The following DSCAML1 variants were observed in gnomAD, a reference collection of about 807,000 sequenced individuals.
DSCAML1 encodes DS cell adhesion molecule like 1.
In DSCAML1, 38 loss-of-function variants were observed where a neutral mutation model predicts 200.5. The ratio of observed to expected loss-of-function variants is 0.19; its 90% CI spans 0.15 to 0.25. The LOEUF (loss-of-function observed/expected upper bound fraction) is 0.25. DSCAML1 is among the 10% of genes least tolerant of loss of function. DSCAML1 has a pLI of 1.00. For missense variants in DSCAML1, 2,223 were observed against 2,858.8 expected (o/e 0.78, Z 5.07); for synonymous variants, 1,215 against 1,165.0 (o/e 1.04, Z -0.87).
intron 19 of DSCAML1, among the ~76,000 whole-genome samples, chr11:117,453,246 T>G (rs2048313954): frequency 6.6e-6 from 1 of 152,234 alleles, no homozygotes; most frequent in Non-Finnish European, 1.5e-5. Context: ...CATTGTCGTT[T>G]ATTTTAATTC....
rs371902123 is a variant in DSCAML1 at position 117,518,486 on chromosome 11, T to C, written c.1490A>G (p.Gln497Arg). 4 of 1,614,090 alleles carry C rather than the reference T, an allele frequency of 2.5e-6. No homozygotes were observed. Among genetic ancestry groups the C allele is most frequent in the Non-Finnish European group, 2.5e-6 (3 of 1,180,048 alleles). ...GGCACCTCTTACGTTTATTCGCGCCTGATATTCAGCACTGCCCACCAAGTT... is the reference window on the plus strand; with the variant it reads ...GGCACCTCTTACGTTTATTCGCGCCCGATATTCAGCACTGCCCACCAAGTT... Reference protein sequence around the residue: ...ARNLVGSAEYQARINVRGPPS... With the variant: ...ARNLVGSAEYRARINVRGPPS... The change falls in exon 7 of 33, where the codon CAG (glutamine) becomes CGG (arginine). Residue 497 changes from glutamine (Q) to arginine (R), a missense_variant. This residue lies in a region of DSCAML1 where 579 missense variants were observed against 721.5 expected (regional missense o/e 0.80). Coordinates refer to ENST00000651296, the MANE Select transcript of DSCAML1 (RefSeq NM_020693.4). This position sits in a 1 kb window ranked among gnomAD's most constrained non-coding sequence, Gnocchi z 6.3.
chr11:117,487,309 G>T (rs1004768530), intron 11 of DSCAML1, among the ~76,000 whole-genome samples: 17 of 151,902 alleles, frequency 1.1e-4, no homozygotes, highest in African/African-American at 4.1e-4. Flanking sequence ...AATCTCACCT[G>T]TTTTTTATTT....
chr11:117,719,896 G>C (rs2054014892), intron 3 of DSCAML1, among the ~76,000 whole-genome samples: 1 of 152,188 alleles, frequency 6.6e-6, no homozygotes, highest in African/African-American at 2.4e-5. Flanking sequence ...TACTCTGACT[G>C]TGCCCACCTG....
intron 3 of DSCAML1, among the ~76,000 whole-genome samples, chr11:117,687,608 T>TCTTTG (rs1591400722): frequency 6.6e-6 from 1 of 151,996 alleles, no homozygotes; most frequent in East Asian, 1.9e-4. Flanking sequence ...ATGTTTTGTT[T>TCTTTG]CAATAATTAT....
chr11:117,804,214 G>T (rs866860524), intron 1 of DSCAML1, among the ~76,000 whole-genome samples: 25 of 152,360 alleles, frequency 1.6e-4, no homozygotes, highest in African/African-American at 6.0e-4. Flanking sequence ...ACATTGCCTG[G>T]AGACCACGGG....
intron 3 of DSCAML1, among the ~76,000 whole-genome samples, chr11:117,775,048 T>C (rs1352423576): frequency 2.6e-5 from 4 of 152,208 alleles, no homozygotes; most frequent in African/African-American, 9.7e-5. Context: ...AAATACCACA[T>C]TTCTTTATGT....
At chr11:117,531,097 C>T (rs553631468) in intron 4 of DSCAML1, among the ~76,000 whole-genome samples, 81 of 152,274 alleles carry the variant, frequency 5.3e-4, no homozygotes, top group Non-Finnish European at 9.6e-4. Flanking sequence ...GTGATAAGAA[C>T]GTCTGTCTGG....
intron 1 of DSCAML1, among the ~76,000 whole-genome samples, chr11:117,786,069 C>T (rs1274130392): frequency 6.6e-6 from 1 of 152,178 alleles, no homozygotes; most frequent in African/African-American, 2.4e-5. Flanking sequence ...TTCCTCCCTT[C>T]CCCTCCAATC....
At chr11:117,694,057 T>TTATATATATA (rs35313833) in intron 3 of DSCAML1, among the ~76,000 whole-genome samples, 29 of 116,636 alleles carry the variant, frequency 2.5e-4, no homozygotes, top group South Asian at 6.5e-4. Flanking sequence ...GGTTCTATCT[T>TTATATATATA]TATATATATA....
At position 117,561,274 on chromosome 11, in the gene DSCAML1, C is replaced by A. The variant is rs147550186; in HGVS notation, c.512-28752G>T. On this transcript the variant is annotated intron_variant, in intron 3 of 32. Coordinates refer to ENST00000651296, the MANE Select transcript of DSCAML1 (RefSeq NM_020693.4). Reference sequence around the variant, plus strand: ...GCAGCCCAGGGCAGTGAGCACTGGACAATGAGTCTGGAGACCTGAGTTCTA... The same window carrying A: ...GCAGCCCAGGGCAGTGAGCACTGGAAAATGAGTCTGGAGACCTGAGTTCTA... Among the ~76,000 whole-genome samples the A allele has an allele frequency of 2.4e-3, 371 of 152,334 alleles. 1 individual carries two copies. The highest frequency in any genetic ancestry group is 6.8e-3 in the Middle Eastern group (2 of 294).
chr11:117,538,303 G>T (rs538673514), intron 3 of DSCAML1, among the ~76,000 whole-genome samples: 20 of 152,344 alleles, frequency 1.3e-4, no homozygotes, highest in African/African-American at 4.6e-4. Flanking sequence ...ATGGAGAAAA[G>T]AAATAGAACT....
chr11:117,457,144 T>G (rs2048387644), intron 19 of DSCAML1, among the ~76,000 whole-genome samples: 1 of 152,232 alleles, frequency 6.6e-6, no homozygotes, highest in Admixed American at 6.5e-5. Flanking sequence ...AATGCCAGGC[T>G]GGGGGCATGC....
intron 3 of DSCAML1, among the ~76,000 whole-genome samples, chr11:117,762,766 G>C (rs1355225883): frequency 6.6e-6 from 1 of 151,920 alleles, no homozygotes; most frequent in Non-Finnish European, 1.5e-5. Context: ...TGGAGGCTGA[G>C]ACAGGAGAAT....
At chr11:117,566,813 G>A (rs966961542) in intron 3 of DSCAML1, among the ~76,000 whole-genome samples, 1 of 150,344 alleles carries the variant, frequency 6.7e-6, no homozygotes, top group African/African-American at 2.5e-5. Flanking sequence ...CCACCTATGA[G>A]TGAGAATATG....
At chr11:117,493,321 CT>C (rs35975602) in intron 11 of DSCAML1, among the ~76,000 whole-genome samples, 120 of 141,946 alleles carry the variant, frequency 8.5e-4, no homozygotes, top group Admixed American at 1.0e-3. Flanking sequence ...TGGTCCTCTT[CT>C]TTTTTTTTTT....
At chr11:117,816,802 G>GA (rs1243468982) in intron 1 of DSCAML1, among the ~76,000 whole-genome samples, 5 of 109,350 alleles carry the variant, frequency 4.6e-5, no homozygotes, top group African/African-American at 1.2e-4. Flanking sequence ...AATTGCTGGG[G>GA]GGGTGGGGTG....
chr11:117,524,716 C>T lies in DSCAML1; in HGVS notation c.937+89G>A. On this transcript the variant is annotated intron_variant, in intron 5 of 32. Coordinates refer to ENST00000651296, the MANE Select transcript of DSCAML1 (RefSeq NM_020693.4). ...GTTATTCCCAGGGCCTGGTCAGAGA[C>T]AGGTCCAGCTGTCGGCCACACTCCT... 2.1e-6 allele frequency: 3 copies of T among 1,456,504 alleles called. No homozygotes were observed. In the South Asian group the frequency reaches 4.0e-5, roughly 19 times the overall value. The allele number at this position is 1,456,504 out of a possible 1,614,324, so 90.2% of individuals were successfully genotyped here.
chr11:117,567,502 G>C (rs2050778401), intron 3 of DSCAML1, among the ~76,000 whole-genome samples: 5 of 152,116 alleles, frequency 3.3e-5, no homozygotes, highest in Admixed American at 2.6e-4. Context: ...TGAGTAGGTT[G>C]TGAAAATTTT....
chr11:117,771,384 C>A (rs2055037434), intron 3 of DSCAML1, among the ~76,000 whole-genome samples: 1 of 152,184 alleles, frequency 6.6e-6, no homozygotes. Context: ...AAAAACAGAG[C>A]CAGCGCCCAA....
Sources: gnomAD v4.1 joint callset for allele counts (sites outside exome capture counted in the v4.1 genomes callset) on GRCh38, gnomAD v4.1.1 for gene constraint, gnomAD v4.1.1 regional missense constraint, Gnocchi (gnomAD v3.1) non-coding constraint, MANE v1.5 for transcripts, NCBI Gene and HGNC (gene_info 2026-07-23, HGNC 2026-07-21) for gene names.